RBFOX3: variants seen among roughly 807,000 people sequenced by gnomAD.
RBFOX3 encodes the protein RNA binding fox-1 homolog 3.
Under a neutral mutation model 48.7 loss-of-function variants are expected in RBFOX3, and 17 were observed. That is an observed-to-expected ratio of 0.35 (90% confidence interval 0.24 to 0.52). RBFOX3 has a LOEUF of 0.52. Ranked by LOEUF, RBFOX3 falls within the 20% of genes least tolerant of loss-of-function variation. The pLI is 0.94. For missense variants in RBFOX3, 382 were observed against 497.5 expected, an observed-to-expected ratio of 0.77 and a Z score of 2.21; for synonymous variants, 212 against 209.5, an observed-to-expected ratio of 1.01 and a Z score of -0.10.
chr17:79,213,251 G>A (rs990091068), intron 4 of RBFOX3, among the ~76,000 whole-genome samples: 3 of 152,230 alleles, frequency 2.0e-5, no homozygotes, highest in Admixed American at 6.5e-5. Context: ...GGTTTAGGGT[G>A]GTGGTGTTGG....
At chr17:79,461,167 C>G (rs782787882) in intron 2 of RBFOX3, among the ~76,000 whole-genome samples, 31 of 152,368 alleles carry the variant, frequency 2.0e-4, no homozygotes, top group Non-Finnish European at 3.8e-4. Flanking sequence ...ACATTACATT[C>G]ATCTGGGATC....
At chr17:79,447,123 T>C (rs2072488884) in intron 2 of RBFOX3, among the ~76,000 whole-genome samples, 1 of 152,234 alleles carries the variant, frequency 6.6e-6, no homozygotes, top group Admixed American at 6.5e-5. Flanking sequence ...CTGCCTTCCA[T>C]GTGTGCAGCA....
chr17:79,278,599 C>T (rs559661789), intron 3 of RBFOX3, among the ~76,000 whole-genome samples: 9 of 152,238 alleles, frequency 5.9e-5, no homozygotes, highest in East Asian at 5.8e-4. Flanking sequence ...TGGTGCCGGC[C>T]GGGCCTGTGC....
chr17:79,096,053 C>T (rs1354910175), intron 12 of RBFOX3, among the ~76,000 whole-genome samples: 4 of 152,188 alleles, frequency 2.6e-5, no homozygotes, highest in African/African-American at 9.7e-5. Context: ...GGGTAAAGGG[C>T]ACAAGAGGAC....
intron 1 of RBFOX3, among the ~76,000 whole-genome samples, chr17:79,570,402 G>A (rs1480913643): frequency 7.1e-6 from 1 of 141,474 alleles, no homozygotes; most frequent in Non-Finnish European, 1.5e-5. Flanking sequence ...GTAGATAGAA[G>A]ATAGATAGAT....
chr17:79,335,597 A>G (rs4239028), intron 2 of RBFOX3, among the ~76,000 whole-genome samples: 149,312 of 152,272 alleles, frequency 0.98, 73,275 homozygotes, highest in East Asian at 1. Context: ...GCATGAGTCC[A>G]CACCCCTTGG....
chr17:79,388,131 T>C (rs1305387635), intron 2 of RBFOX3, among the ~76,000 whole-genome samples: 1 of 152,138 alleles, frequency 6.6e-6, no homozygotes, highest in Non-Finnish European at 1.5e-5. Context: ...TGGTTGTGCA[T>C]ACAAATGTGT....
the RBFOX3 span, among the ~76,000 whole-genome samples, chr17:79,623,688 G>T: frequency 6.6e-6 from 1 of 152,086 alleles, no homozygotes; most frequent in African/African-American, 2.4e-5. Context: ...CAGGCATGGT[G>T]GCCCACACCT....
chr17:79,104,281 C>A (rs1339534315), intron 6 of RBFOX3, among the ~76,000 whole-genome samples, 155 bp from the exon 7 acceptor site: 1 of 152,182 alleles, frequency 6.6e-6, no homozygotes, highest in African/African-American at 2.4e-5. Flanking sequence ...CCCTCCCACC[C>A]CTGGCCATGG....
intron 8 of RBFOX3, among the ~76,000 whole-genome samples, chr17:79,102,209 CAT>C (rs2076574815): frequency 6.6e-6 from 1 of 152,218 alleles, no homozygotes; most frequent in South Asian, 2.1e-4. Flanking sequence ...ATTTTCCACA[CAT>C]ATGCCTGGGT....
chr17:79,223,797 G>A (rs1379018407), intron 4 of RBFOX3, among the ~76,000 whole-genome samples: 1 of 152,186 alleles, frequency 6.6e-6, no homozygotes, highest in Non-Finnish European at 1.5e-5. Flanking sequence ...CTCTGTGGCA[G>A]TGCGCCCCCC....
At chr17:79,312,749 A>T (rs1011498609) in intron 2 of RBFOX3, among the ~76,000 whole-genome samples, 3 of 152,148 alleles carry the variant, frequency 2.0e-5, no homozygotes, top group Admixed American at 6.5e-5. Context: ...TTAAGATTTT[A>T]TTGGCTTAAT....
the RBFOX3 span, among the ~76,000 whole-genome samples, chr17:79,662,882 C>T: frequency 2.4e-4 from 37 of 152,212 alleles, no homozygotes; most frequent in African/African-American, 3.4e-4. Context: ...GCAATCCAGC[C>T]GGCTGTTCAC....
At chr17:79,155,064 C>T (rs1285835605) in intron 4 of RBFOX3, among the ~76,000 whole-genome samples, 10 of 152,216 alleles carry the variant, frequency 6.6e-5, no homozygotes, top group Admixed American at 5.2e-4. Flanking sequence ...CCGTGAATGG[C>T]GGCCTCCCTG....
chr17:79,486,568 C>T (rs1023944588), intron 1 of RBFOX3, among the ~76,000 whole-genome samples: 5 of 152,148 alleles, frequency 3.3e-5, no homozygotes, highest in South Asian at 2.1e-4. Flanking sequence ...CGAGCACAGA[C>T]GGGCCATCCT....
chr17:79,326,272 T>C (rs1162019728), intron 2 of RBFOX3, among the ~76,000 whole-genome samples: 1 of 151,972 alleles, frequency 6.6e-6, no homozygotes, highest in Non-Finnish European at 1.5e-5. Flanking sequence ...TCTTGATCTC[T>C]TGCAACTGGT....
chr17:79,160,238 C>A (rs1419234497), intron 4 of RBFOX3, among the ~76,000 whole-genome samples: 2 of 115,746 alleles, frequency 1.7e-5, no homozygotes, highest in African/African-American at 9.5e-5. Flanking sequence ...ATGCAGGTGG[C>A]CTGGAGCCAG....
chr17:79,188,746 G>A (rs2146390173), intron 4 of RBFOX3, among the ~76,000 whole-genome samples: 1 of 113,184 alleles, frequency 8.8e-6, no homozygotes, highest in South Asian at 2.8e-4. Context: ...CCTCTTCTGT[G>A]GAAGGCGAGC....
At chr17:79,431,361 T>A (rs1347341341) in intron 2 of RBFOX3, among the ~76,000 whole-genome samples, 1 of 152,206 alleles carries the variant, frequency 6.6e-6, no homozygotes, top group African/African-American at 2.4e-5. Context: ...TCCCCAAGGC[T>A]TGAGTGCAAC....
Sources: allele counts gnomAD v4.1 joint callset (sites outside exome capture counted in the v4.1 genomes callset), GRCh38; gene constraint gnomAD v4.1.1; transcripts MANE v1.5; gene names NCBI Gene and HGNC (gene_info 2026-07-23, HGNC 2026-07-21).